The following ELAC2 variants were observed in gnomAD, a reference collection of about 807,000 sequenced individuals.
ELAC2 encodes elaC ribonuclease Z 2, also known as zinc phosphodiesterase ELAC protein 2.
In ELAC2, 92 loss-of-function variants were observed where a neutral mutation model predicts 105.2. The observed-to-expected ratio is 0.87, with a 90% confidence interval of 0.74 to 1.04. The LOEUF is 1.04. Ranked by LOEUF, ELAC2 falls within the 50% of genes least tolerant of loss-of-function variation. ELAC2 has a pLI of 0.00. For synonymous variants in ELAC2, 468 were observed against 409.1 expected (o/e 1.14, Z -1.74); for missense variants, 1,099 against 1,071.7 (o/e 1.03, Z -0.36).
intron 14 of ELAC2, among the ~76,000 whole-genome samples, chr17:13,001,452 A>C (rs1198126714): frequency 2.5e-4 from 38 of 152,304 alleles, no homozygotes; most frequent in Non-Finnish European, 2.9e-5. Flanking sequence ...AGATCACGCC[A>C]TTGCACTCCA....
rs397515466 is a variant in ELAC2, at chr17:13,002,311, G to A, written c.1267C>T (p.Leu423Phe). The A allele has an allele frequency of 1.2e-6, 2 of 1,614,094 alleles. No individual in the cohort carries two copies. Among genetic ancestry groups the A allele is most frequent in the Non-Finnish European group, 1.7e-6 (2 of 1,180,052 alleles). The change falls in exon 14 of 24, where the codon CTC becomes TTC. Residue 423 changes from leucine (L) to phenylalanine (F), a missense_variant. Coordinates refer to ENST00000338034, the MANE Select transcript of ELAC2 (RefSeq NM_018127.7). ...CTCCTGGGACGGAGCTGGTACTTGA[G>A]GAGGCATTCACCCTGAACCATGGGC... is the stretch of plus-strand genomic sequence containing the variant. ...SVPMVQGECL[L>F]KYQLRPRREW...
rs932329068 is a variant in ELAC2, at chr17:12,991,616, G to A, written c.*1202C>T. 3 of 183,804 alleles carry A rather than the reference G, an allele frequency of 1.6e-5. No individual in the cohort carries two copies. Among genetic ancestry groups the A allele is most frequent in the African/African-American group, 2.4e-5 (1 of 42,488 alleles). The allele number at this position is 183,804 out of a possible 1,614,324, so 11.4% of individuals were successfully genotyped here. On this transcript the variant is annotated 3_prime_UTR_variant, in exon 24 of 24. Transcript: ENST00000338034. ...TGTACAAATCGTTGTCAAAAGTAAC[G>A]TTATTAAAATAGATTTATTATCCCT...
At chr17:13,015,687 G>A (rs1406671476) in intron 4 of ELAC2, 81 bp downstream of exon 4, 20 of 1,251,338 alleles carry the variant, frequency 1.6e-5, no homozygotes, top group Non-Finnish European at 2.2e-5. Context: ...GCAGAAGACT[G>A]ATTTGCAAAA....
At chr17:13,002,159 T>C in intron 14 of ELAC2, 115 bp downstream of exon 14, 1 of 1,124,654 alleles carries the variant, frequency 8.9e-7, no homozygotes, top group South Asian at 1.3e-5. Flanking sequence ...GTTGAATAGT[T>C]ACAACAGAGA....
At position 12,993,800 on chromosome 17, in the gene ELAC2, G is replaced by A. The variant is rs545246507; in HGVS notation, c.2140C>T (p.Arg714Trp). Residue 714 changes from arginine to tryptophan, a missense_variant, in exon 23 of 24, where the codon CGG becomes TGG. Coordinates refer to ENST00000338034, the MANE Select transcript of ELAC2 (RefSeq NM_018127.7). ...AGCATAATGAACTCCGCGTTCATCC[G>A]CATCCCCACGCTGATGGCTTGGGAC... is the stretch of plus-strand genomic sequence containing the variant. The part of the protein sequence containing the change: ...TTSQAISVGM[R>W]MNAEFIMLNH... 5 of 1,614,178 alleles carry A rather than the reference G, an allele frequency of 3.1e-6. No individual in the cohort carries two copies. Among genetic ancestry groups the A allele is most frequent in the Admixed American group, 1.7e-5 (1 of 60,024 alleles).
In ELAC2 at chr17:12,994,502, C is replaced by A; in HGVS notation, c.2031G>T (p.Gly677=). Reference sequence around the variant, plus strand: ...CATGTATCAGGAGGGTGGCATCTTTCCCTGGAGAAGCAGCACAAGGATCAG... The same window carrying A: ...CATGTATCAGGAGGGTGGCATCTTTACCTGGAGAAGCAGCACAAGGATCAG... ...TMPCEALVRM[G]KDATLLIHEA... is the part of the protein sequence containing the mutation. The change falls in exon 22 of 24, where the codon GGG becomes GGT. Residue 677 remains glycine, a splice_region_variant and synonymous_variant. Coordinates refer to ENST00000338034, the MANE Select transcript of ELAC2 (RefSeq NM_018127.7). The A allele has an allele frequency of 6.2e-7, 1 of 1,614,204 alleles. No individual in the cohort carries two copies. The highest frequency in any genetic ancestry group is 8.5e-7 in the Non-Finnish European group (1 of 1,180,036).
rs1011765397 is a variant in ELAC2 at position 13,017,981 on chromosome 17, G to A, written c.-34C>T. Reference sequence around the variant, plus strand: ...CTCCACCAAAACTGAGAAAGCCGCCGGTCACCTACGCCCGCGTTTCCCGTG... The same window carrying A: ...CTCCACCAAAACTGAGAAAGCCGCCAGTCACCTACGCCCGCGTTTCCCGTG... On this transcript the variant is annotated 5_prime_UTR_variant, in exon 1 of 24. Coordinates refer to ENST00000338034, the MANE Select transcript of ELAC2 (RefSeq NM_018127.7). 3 of 1,534,124 alleles carry A rather than the reference G, an allele frequency of 2.0e-6. No homozygotes were observed. The highest frequency in any genetic ancestry group is 2.0e-5 in the Admixed American group (1 of 50,958).
chr17:13,017,368 C>T, intron 1 of ELAC2: 1 of 625,448 alleles, frequency 1.6e-6, no homozygotes, highest in Non-Finnish European at 2.8e-6. Context: ...CCACCGGCTA[C>T]ACACCAGATC....
chr17:12,992,658 T>C lies in ELAC2; in HGVS notation c.*160A>G. ...TAAGAGGCATCTATAGACTAGTGCT[T>C]ATGTGGGAGCCCAAGCCTCGGCACA... On this transcript the variant is annotated 3_prime_UTR_variant, in exon 24 of 24. Coordinates refer to ENST00000338034, the MANE Select transcript of ELAC2 (RefSeq NM_018127.7). 2.5e-6 allele frequency: 2 copies of C among 800,064 alleles called. No homozygotes were observed. Among genetic ancestry groups the C allele is most frequent in the South Asian group, 3.3e-5 (2 of 60,212 alleles). The allele number at this position is 800,064 out of a possible 1,614,324, so 49.6% of individuals were successfully genotyped here.
rs1012164148 is a variant in ELAC2 at position 13,002,538 on chromosome 17, C to A, written c.1121G>T (p.Cys374Phe). The A allele has an allele frequency of 5.0e-6, 8 of 1,605,850 alleles. No homozygotes were observed. Among genetic ancestry groups the A allele is most frequent in the Non-Finnish European group, 6.8e-6 (8 of 1,175,546 alleles). The change falls in exon 13 of 24, where the codon TGT becomes TTT. Residue 374 changes from cysteine (C) to phenylalanine (F), a missense_variant. By Grantham distance (205) the Cys-to-Phe change is radical. Transcript: ENST00000338034. ...GCTGCGAAGGTTGTGAACTGAGGCA[C>A]AGTTCTCATTCAGGACCAAGTGCTG... ...DTQHLVLNEN[C>F]ASVHNLRSHK...
At chr17:13,007,518 G>A (rs914782870) in intron 8 of ELAC2, among the ~76,000 whole-genome samples, 1 of 152,136 alleles carries the variant, frequency 6.6e-6, no homozygotes, top group East Asian at 1.9e-4. Flanking sequence ...ACCATGTCAC[G>A]ACCCAACATT....
chr17:13,017,254 C>G, intron 1 of ELAC2, 133 bp from the exon 2 acceptor site: 17 of 969,520 alleles, frequency 1.8e-5, no homozygotes, highest in East Asian at 7.7e-5. Context: ...GTTGGACTAC[C>G]GAGCCACATT....
At chr17:13,007,169 C>T (rs1229496197) in intron 8 of ELAC2, among the ~76,000 whole-genome samples, 2 of 149,124 alleles carry the variant, frequency 1.3e-5, no homozygotes, top group Non-Finnish European at 3.0e-5. Flanking sequence ...GAAAGGCAAA[C>T]AATAATTCTA....
chr17:13,004,489 C>T (rs192842735), intron 11 of ELAC2, among the ~76,000 whole-genome samples: 14 of 152,238 alleles, frequency 9.2e-5, no homozygotes, highest in East Asian at 5.8e-4. Context: ...AAAGCTGAAC[C>T]GCAAAACTGG....
chr17:13,000,110 G>A, intron 15 of ELAC2, 46 bp downstream of exon 15: 1 of 1,567,900 alleles, frequency 6.4e-7, no homozygotes, highest in Non-Finnish European at 8.8e-7. Flanking sequence ...ACAGCAGCAG[G>A]GGCAGAGCCC....
rs1035446932 is a variant in ELAC2 at position 13,005,787 on chromosome 17, T to G, written c.836A>C (p.Lys279Thr). The G allele has an allele frequency of 6.2e-7, 1 of 1,614,184 alleles. No homozygotes were observed. Among genetic ancestry groups the G allele is most frequent in the East Asian group, 2.2e-5 (1 of 44,872 alleles). ...TTCATGAGTGATGCTTTTCCCGTCC[T>G]TGACAGCAGCAATGATGGGAGCGAT... ...AAIAPIIAAV[K>T]DGKSITHEGR... The change falls in exon 10 of 24, where the codon AAG becomes ACG. Residue 279 changes from lysine (K) to threonine (T), a missense_variant. Coordinates refer to ENST00000338034, the MANE Select transcript of ELAC2 (RefSeq NM_018127.7).
At chr17:13,009,073 C>T (rs1266555701) in intron 8 of ELAC2, among the ~76,000 whole-genome samples, 4 of 152,030 alleles carry the variant, frequency 2.6e-5, no homozygotes, top group Non-Finnish European at 5.9e-5. Context: ...TATAGATTAT[C>T]AAAAATAAAA....
At chr17:13,010,722 G>A (rs1273049644) in intron 7 of ELAC2, 51 bp from the exon 8 acceptor site, 1 of 1,515,316 alleles carries the variant, frequency 6.6e-7, no homozygotes, top group Non-Finnish European at 9.2e-7. Flanking sequence ...AAGCTGTGAA[G>A]ACATCACAGA....
In ELAC2 at chr17:12,993,003, G is replaced by A; in HGVS notation, c.2296C>T (p.Pro766Ser). The change falls in exon 24 of 24, where the codon CCA becomes TCA. Residue 766 changes from proline to serine, a missense_variant. Transcript: ENST00000338034. ...DFPTMPKLIP[P>S]LKALFAGDIE... ...TCGCCAGCAAACAGGGCTTTCAGTG[G>A]GGGAATCAGCTTGGGCATTGTTGGA... is the stretch of plus-strand genomic sequence containing the variant. The A allele has an allele frequency of 6.2e-7, 1 of 1,608,898 alleles. No homozygotes were observed. The highest frequency in any genetic ancestry group is 8.5e-7 in the Non-Finnish European group (1 of 1,180,024).
Sources: allele counts gnomAD v4.1 joint callset (sites outside exome capture counted in the v4.1 genomes callset), GRCh38; gene constraint gnomAD v4.1.1; transcripts MANE v1.5; gene names NCBI Gene and HGNC (gene_info 2026-07-23, HGNC 2026-07-21).